Variants in FAM168A observed in about 807,000 individuals in gnomAD.
The protein encoded by FAM168A is protein FAM168A.
In FAM168A, 3 loss-of-function variants were observed where a neutral mutation model predicts 28.5. That is an observed-to-expected ratio of 0.11 (90% CI 0.05 to 0.27). FAM168A has a LOEUF of 0.27. FAM168A is among the 10% of genes least tolerant of loss of function. The probability of loss-of-function intolerance (pLI) is 1.00; values close to 1 mark genes in which losing one functional copy is unlikely to be tolerated. For synonymous variants in FAM168A, 122 were observed against 124.2 expected (o/e 0.98, Z 0.12); for missense variants, 222 against 311.5 (o/e 0.71, Z 2.16).
intron 1 of FAM168A, among the ~76,000 whole-genome samples, chr11:73,515,480 C>A (rs536086270): frequency 8.5e-4 from 123 of 144,988 alleles, no homozygotes; most frequent in Middle Eastern, 3.8e-3. Flanking sequence ...TGCACTCTAG[C>A]TGCGGTAACA....
At chr11:73,592,535 C>T (rs1944394557) in intron 1 of FAM168A, among the ~76,000 whole-genome samples, 1 of 152,236 alleles carries the variant, frequency 6.6e-6, no homozygotes, top group Middle Eastern at 3.4e-3. Flanking sequence ...AGCTATGGCC[C>T]GCCCATGGCC....
At chr11:73,498,562 CCTTGGGGAGGGG>C (rs1489033239) in intron 1 of FAM168A, among the ~76,000 whole-genome samples, 1 of 152,180 alleles carries the variant, frequency 6.6e-6, no homozygotes, top group Non-Finnish European at 1.5e-5. Context: ...CGTTTGAGCT[CCTTGGGGAGGGG>C]CAGCAACCAG....
intron 1 of FAM168A, among the ~76,000 whole-genome samples, chr11:73,580,796 C>T (rs1394718298): frequency 6.6e-6 from 1 of 152,190 alleles, no homozygotes; most frequent in Non-Finnish European, 1.5e-5. Flanking sequence ...CTGACTTTGA[C>T]ACACATGGCC....
At chr11:73,521,849 A>G (rs1007772239) in intron 1 of FAM168A, among the ~76,000 whole-genome samples, 2 of 152,206 alleles carry the variant, frequency 1.3e-5, no homozygotes, top group Non-Finnish European at 2.9e-5. Context: ...CTCACTGAGA[A>G]TAAAACTGTC....
At chr11:73,427,982 G>A (rs557818271) in intron 3 of FAM168A, among the ~76,000 whole-genome samples, 1 of 152,110 alleles carries the variant, frequency 6.6e-6, no homozygotes, top group Non-Finnish European at 1.5e-5. Context: ...AACCCTCCTT[G>A]ATCTCTACTC....
chr11:73,436,331 A>C (rs1867085242), intron 2 of FAM168A, among the ~76,000 whole-genome samples: 1 of 152,162 alleles, frequency 6.6e-6, no homozygotes, highest in Non-Finnish European at 1.5e-5. Context: ...TACCTTTAGG[A>C]GCTTAAAATA....
intron 3 of FAM168A, 107 bp from the exon 4 acceptor site, chr11:73,420,106 G>A: frequency 1.4e-6 from 2 of 1,399,980 alleles, no homozygotes; most frequent in African/African-American, 1.4e-5. Context: ...TACAACCCAA[G>A]GGGCCTGTTC....
intron 1 of FAM168A, among the ~76,000 whole-genome samples, chr11:73,573,659 C>T (rs1414545187): frequency 1.3e-5 from 2 of 152,148 alleles, no homozygotes; most frequent in Non-Finnish European, 2.9e-5. Flanking sequence ...TGAATTCCGA[C>T]GGGGCACAGT....
chr11:73,494,419 A>G (rs1219187808), intron 1 of FAM168A, among the ~76,000 whole-genome samples: 1 of 152,150 alleles, frequency 6.6e-6, no homozygotes, highest in Non-Finnish European at 1.5e-5. Context: ...TTGCAGTGGG[A>G]GGTCTAAGGC....
intron 1 of FAM168A, among the ~76,000 whole-genome samples, chr11:73,534,928 A>T (rs1208640953): frequency 6.6e-6 from 1 of 152,180 alleles, no homozygotes; most frequent in East Asian, 1.9e-4. Context: ...CTGTAAGTGA[A>T]ATGAATATTG....
intron 1 of FAM168A, among the ~76,000 whole-genome samples, chr11:73,513,256 C>G (rs886728916): frequency 7.4e-6 from 1 of 134,808 alleles, no homozygotes; most frequent in Non-Finnish European, 1.5e-5. Flanking sequence ...ATCGCCCAGG[C>G]TGGAGTGCAG....
At chr11:73,574,814 T>C (rs1289729358) in intron 1 of FAM168A, among the ~76,000 whole-genome samples, 11 of 146,744 alleles carry the variant, frequency 7.5e-5, no homozygotes, top group African/African-American at 2.5e-4. Flanking sequence ...CCCGCTCATC[T>C]CAGCCTCCCA....
intron 1 of FAM168A, among the ~76,000 whole-genome samples, chr11:73,484,619 T>G (rs1269550526): frequency 1.4e-5 from 2 of 145,018 alleles, no homozygotes; most frequent in Non-Finnish European, 3.0e-5. Context: ...GATATATATC[T>G]ATATATAGAT....
chr11:73,507,018 T>C (rs891043317), intron 1 of FAM168A, among the ~76,000 whole-genome samples: 2 of 152,198 alleles, frequency 1.3e-5, no homozygotes, highest in African/African-American at 4.8e-5. Context: ...AATCTTTTAT[T>C]ATCATATATT....
chr11:73,562,736 G>A (rs997802766), intron 1 of FAM168A, among the ~76,000 whole-genome samples: 1 of 152,110 alleles, frequency 6.6e-6, no homozygotes, highest in Non-Finnish European at 1.5e-5. Context: ...TGAGACAGGA[G>A]GATTGCTTGA....
At chr11:73,482,126 G>A (rs1565264632) in intron 1 of FAM168A, among the ~76,000 whole-genome samples, 8 of 146,348 alleles carry the variant, frequency 5.5e-5, no homozygotes, top group Admixed American at 4.9e-4. Context: ...AAATTACCCA[G>A]TCTCAGGTGT....
chr11:73,578,877 AG>A (rs1944208500), intron 1 of FAM168A, among the ~76,000 whole-genome samples: 1 of 152,222 alleles, frequency 6.6e-6, no homozygotes. Flanking sequence ...ATAAAATGAA[AG>A]TGACAATAGC....
intron 1 of FAM168A, among the ~76,000 whole-genome samples, chr11:73,588,771 T>A (rs1490645482): frequency 6.6e-6 from 1 of 152,196 alleles, no homozygotes; most frequent in African/African-American, 2.4e-5. Flanking sequence ...TATTCCTCAA[T>A]GTGATAGTAT....
chr11:73,564,707 C>T (rs1021991952), intron 1 of FAM168A, among the ~76,000 whole-genome samples: 4 of 142,928 alleles, frequency 2.8e-5, no homozygotes, highest in African/African-American at 1.1e-4. Flanking sequence ...CGCGCAACTG[C>T]ACTCCAGCCT....
Sources: allele counts gnomAD v4.1 joint callset (sites outside exome capture counted in the v4.1 genomes callset), GRCh38; gene constraint gnomAD v4.1.1; transcripts MANE v1.5; gene names NCBI Gene and HGNC (gene_info 2026-07-23, HGNC 2026-07-21).